The following TOMM20 variants were observed in gnomAD, a reference collection of about 807,000 sequenced individuals.
TOMM20 encodes mitochondrial import receptor subunit TOM20 homolog.
A neutral mutation model predicts 22.1 loss-of-function variants in TOMM20; 10 were observed. The ratio of observed to expected loss-of-function variants is 0.45; its 90% CI spans 0.28 to 0.77. The LOEUF is 0.77. Ranked by LOEUF, TOMM20 falls within the 30% of genes least tolerant of loss-of-function variation. The pLI, the probability that TOMM20 is intolerant of heterozygous loss-of-function variation, is 0.13. For missense variants in TOMM20, 121 were observed against 172.2 expected (o/e 0.70, Z 1.66); for synonymous variants, 55 against 61.4 (o/e 0.90, Z 0.49).
At chr1:235,116,880 A>T (rs920360601) in intron 3 of TOMM20, among the ~76,000 whole-genome samples, 2 of 152,104 alleles carry the variant, frequency 1.3e-5, no homozygotes, top group African/African-American at 4.8e-5. Context: ...TCAAGCCTGT[A>T]ATCCCAGCAC....
intron 2 of TOMM20, among the ~76,000 whole-genome samples, chr1:235,121,244 T>A (rs1420903478): frequency 4.6e-5 from 7 of 152,054 alleles, no homozygotes; most frequent in African/African-American, 1.7e-4. Context: ...GTGCAAGTTT[T>A]TGGTCCTTGA....
rs397863373 is a variant in TOMM20 at position 235,125,742 on chromosome 1, C to CT, written c.121+2852dup. Reference sequence around the variant, plus strand: ...AAAATCAGCCAGTCACGCAACTGCACTTTTTTTTTTTTTTTGAGACCGAGT... The same window carrying CT: ...AAAATCAGCCAGTCACGCAACTGCACTTTTTTTTTTTTTTTTGAGACCGAGT... On this transcript the variant is annotated intron_variant, in intron 1 of 4. Coordinates refer to ENST00000366607, the MANE Select transcript of TOMM20 (RefSeq NM_014765.3). Among the ~76,000 whole-genome samples the CT allele has an allele frequency of 4.5e-3, 631 of 141,226 alleles. 3 individuals carry two copies. The highest frequency in any genetic ancestry group is 7.3e-3 in the Middle Eastern group (2 of 274). The allele number at this position is 141,226 out of a possible 152,430, so 92.6% of individuals were successfully genotyped here.
At chr1:235,117,134 CAAAAAAAAAAAAAAAAAAAA>C (rs869235889) in intron 3 of TOMM20, among the ~76,000 whole-genome samples, 776 of 30,448 alleles carry the variant, frequency 0.025, 27 homozygotes, top group African/African-American at 0.082. Flanking sequence ...GACTCCATCT[CAAAAAAAAAAAAAAAAAAAA>C]AAAAAAAAAA....
At chr1:235,119,488 G>A (rs1054214714) in intron 3 of TOMM20, 25 of 171,422 alleles carry the variant, frequency 1.5e-4, no homozygotes, top group Admixed American at 9.2e-4. Context: ...TTTACATATC[G>A]CACTATGGCT....
chr1:235,128,509 C>A (rs1440197663), intron 1 of TOMM20, 86 bp downstream of exon 1: 2 of 1,594,846 alleles, frequency 1.3e-6, no homozygotes, highest in Middle Eastern at 2.3e-4. Context: ...GCGCGGCCCA[C>A]AGGCTGGTGG....
chr1:235,118,335 TA>T (rs1660870121), intron 3 of TOMM20, among the ~76,000 whole-genome samples: 1 of 152,222 alleles, frequency 6.6e-6, no homozygotes, highest in African/African-American at 2.4e-5. Flanking sequence ...AACCCAGTGT[TA>T]TGCGATGCAA....
intron 3 of TOMM20, among the ~76,000 whole-genome samples, chr1:235,115,732 C>T (rs1660817532): frequency 6.6e-6 from 1 of 152,224 alleles, no homozygotes; most frequent in African/African-American, 2.4e-5. Flanking sequence ...ACTGCCTTTG[C>T]TCCAAACTGT....
chr1:235,118,258 G>C (rs917043813), intron 3 of TOMM20, among the ~76,000 whole-genome samples: 5 of 152,134 alleles, frequency 3.3e-5, no homozygotes, highest in African/African-American at 1.2e-4. Flanking sequence ...CGTCGTAAGT[G>C]GTATCTTTTG....
intron 2 of TOMM20, among the ~76,000 whole-genome samples, 182 bp downstream of exon 2, chr1:235,122,144 A>T (rs1660940892): frequency 1.3e-5 from 2 of 152,214 alleles, no homozygotes; most frequent in South Asian, 4.1e-4. Flanking sequence ...GAAGGACTCG[A>T]TAACTGTCAT....
At position 235,109,916 on chromosome 1, in the gene TOMM20, TACA is replaced by T. The variant is rs1429660516; in HGVS notation, c.*2145_*2147del. The T allele has an allele frequency of 6.6e-6, 1 of 152,212 alleles. No individual in the cohort carries two copies. The highest frequency in any genetic ancestry group is 1.5e-5 in the Non-Finnish European group (1 of 68,028). 9.4% of individuals were successfully genotyped at this position (152,212 alleles called of 1,614,324 possible). A position where few individuals can be genotyped will look rare whatever the true frequency, so the allele number is the denominator to read the frequency against. ...CTGAGCACCATTTGGCCAGCATCAC[TACA>T]ACAAGCTGATTACATCACCTTGTAA... On this transcript the variant is annotated 3_prime_UTR_variant, in exon 5 of 5. Transcript: ENST00000366607.
chr1:235,122,231 C>CT, intron 2 of TOMM20, 95 bp downstream of exon 2: 1 of 1,175,140 alleles, frequency 8.5e-7, no homozygotes. Flanking sequence ...TATCAACTAG[C>CT]TTTTTCCAAT....
At chr1:235,115,551 C>T (rs1660814467) in intron 3 of TOMM20, among the ~76,000 whole-genome samples, 4 of 152,026 alleles carry the variant, frequency 2.6e-5, no homozygotes, top group Admixed American at 6.6e-5. Flanking sequence ...TGCTTGAACC[C>T]GGGAGGCGAA....
intron 1 of TOMM20, chr1:235,127,937 GC>G (rs1558131545): frequency 5.8e-6 from 3 of 518,064 alleles, no homozygotes; most frequent in Non-Finnish European, 1.2e-5. Context: ...TAAGAATGCA[GC>G]AATGAGCCAG....
chr1:235,113,966 ATTAAC>A, intron 3 of TOMM20, 56 bp from the exon 4 acceptor site: 20 of 1,510,028 alleles, frequency 1.3e-5, no homozygotes, highest in Non-Finnish European at 1.8e-5. Flanking sequence ...CTTTGTCAAA[ATTAAC>A]TTTACACACT....
At chr1:235,118,651 G>A (rs77735505) in intron 3 of TOMM20, among the ~76,000 whole-genome samples, 4 of 152,262 alleles carry the variant, frequency 2.6e-5, no homozygotes, top group Non-Finnish European at 4.4e-5. Flanking sequence ...TTCAGTCTCT[G>A]AGTAGCTGGC....
chr1:235,113,979 AC>A, intron 3 of TOMM20, 69 bp from the exon 4 acceptor site: 1 of 1,490,106 alleles, frequency 6.7e-7, no homozygotes, highest in South Asian at 1.4e-5. Flanking sequence ...AACTTTACAC[AC>A]TATCTCCAAA....
chr1:235,114,770 T>G (rs1660804079), intron 3 of TOMM20, among the ~76,000 whole-genome samples: 1 of 152,096 alleles, frequency 6.6e-6, no homozygotes, highest in African/African-American at 2.4e-5. Context: ...AATAGACATA[T>G]TATGTTTGAA....
At chr1:235,124,240 G>A (rs1001506239) in intron 1 of TOMM20, among the ~76,000 whole-genome samples, 3 of 152,212 alleles carry the variant, frequency 2.0e-5, no homozygotes, top group African/African-American at 4.8e-5. Context: ...CTAGCTACTC[G>A]AGAGGCTGTA....
chr1:235,113,231 A>G (rs1201992500), intron 4 of TOMM20, among the ~76,000 whole-genome samples: 2 of 152,246 alleles, frequency 1.3e-5, no homozygotes, highest in African/African-American at 2.4e-5. Flanking sequence ...ACAGTATATT[A>G]ATGCTATTTT....
Sources: allele counts gnomAD v4.1 joint callset (sites outside exome capture counted in the v4.1 genomes callset), GRCh38; gene constraint gnomAD v4.1.1; transcripts MANE v1.5; gene names NCBI Gene and HGNC (gene_info 2026-07-23, HGNC 2026-07-21).